MSI2: variants seen among roughly 807,000 people sequenced by gnomAD.
MSI2 encodes the protein RNA-binding protein Musashi homolog 2.
Under a neutral mutation model 45.6 loss-of-function variants are expected in MSI2, and 17 were observed. The ratio of observed to expected loss-of-function variants is 0.37; its 90% CI spans 0.26 to 0.56. MSI2 has a LOEUF of 0.56. MSI2 is among the 20% of genes least tolerant of loss of function. MSI2 has a pLI of 0.77. For missense variants in MSI2, 293 were observed against 444.2 expected (o/e 0.66, Z 3.06); for synonymous variants, 156 against 158.2 (o/e 0.99, Z 0.11).
Position 57,529,601 on chromosome 17 carries a change from C to A in MSI2, c.406-75C>A. 8.0e-6 allele frequency: 11 copies of A among 1,379,944 alleles called. No individual in the cohort carries two copies. Among genetic ancestry groups the A allele is most frequent in the South Asian group, 6.0e-5 (5 of 83,926 alleles). 85.5% of individuals were successfully genotyped at this position (1,379,944 alleles called of 1,614,324 possible). On this transcript the variant is annotated intron_variant, in intron 6 of 13. Coordinates refer to ENST00000284073, the MANE Select transcript of MSI2 (RefSeq NM_138962.4). This position sits in a 1 kb window ranked among gnomAD's most constrained non-coding sequence, Gnocchi z 5.3. ...TGTAATGGAAACTACCCCCTCACCC[C>A]CCGACATGCATATAATGTTTTGTGT...
chr17:57,502,602 G>GATAT (rs57142800), intron 6 of MSI2, among the ~76,000 whole-genome samples: 3,207 of 54,224 alleles, frequency 0.059, 243 homozygotes, highest in South Asian at 0.11. Flanking sequence ...ATGACTCTGA[G>GATAT]ATATATATAT....
chr17:57,265,539 A>G (rs1226890392), intron 5 of MSI2: 1 of 152,204 alleles, frequency 6.6e-6, no homozygotes, highest in Admixed American at 6.5e-5. Context: ...ATCTGTTTAG[A>G]CCAGAATTTT....
the MSI2 span, among the ~76,000 whole-genome samples, chr17:57,697,839 T>C: frequency 6.6e-6 from 1 of 152,096 alleles, no homozygotes; most frequent in East Asian, 1.9e-4. Flanking sequence ...ACTGGGTCCC[T>C]CCAACAACAC....
chr17:57,467,381 A>G (rs1194712573), intron 6 of MSI2, among the ~76,000 whole-genome samples: 1 of 152,222 alleles, frequency 6.6e-6, no homozygotes, highest in Non-Finnish European at 1.5e-5. Flanking sequence ...GAAAAGAGGA[A>G]GGACAGATGC....
chr17:57,453,483 G>A (rs555476789), intron 6 of MSI2, among the ~76,000 whole-genome samples: 6 of 152,266 alleles, frequency 3.9e-5, no homozygotes, highest in Middle Eastern at 6.8e-3. Context: ...CTTCCTATGT[G>A]GTGAGAAGTC....
At chr17:57,311,612 T>C (rs1003105325) in intron 5 of MSI2, among the ~76,000 whole-genome samples, 6 of 152,150 alleles carry the variant, frequency 3.9e-5, no homozygotes, top group Non-Finnish European at 8.8e-5. Context: ...GTGCAGTATA[T>C]ACACATTGCT....
chr17:57,413,912 A>T (rs954702353), intron 6 of MSI2, among the ~76,000 whole-genome samples: 14 of 151,878 alleles, frequency 9.2e-5, no homozygotes, highest in African/African-American at 3.2e-4. Flanking sequence ...CGCATCATTC[A>T]TTTGTTCATT....
chr17:57,443,068 C>T (rs773664475), intron 6 of MSI2, among the ~76,000 whole-genome samples: 1 of 152,250 alleles, frequency 6.6e-6, no homozygotes, highest in East Asian at 1.9e-4. Context: ...CCGTTTGCGG[C>T]CTGTCTGCCT....
At chr17:57,318,652 G>A (rs1309278263) in intron 5 of MSI2, among the ~76,000 whole-genome samples, 1 of 152,062 alleles carries the variant, frequency 6.6e-6, no homozygotes, top group African/African-American at 2.4e-5. Flanking sequence ...TGTGGGGGGT[G>A]GGGGCGGAGG....
chr17:57,523,639 C>G (rs1051751020), intron 6 of MSI2: 7 of 152,366 alleles, frequency 4.6e-5, no homozygotes, highest in African/African-American at 1.7e-4. Flanking sequence ...TCTAGGATCT[C>G]TGTCTCCAAC....
chr17:57,574,835 T>C (rs953159658), intron 7 of MSI2, among the ~76,000 whole-genome samples: 1 of 148,510 alleles, frequency 6.7e-6, no homozygotes, highest in Non-Finnish European at 1.5e-5. Context: ...TCTCTTTTTT[T>C]TTTTTTTTTT....
At chr17:57,419,498 G>A (rs540979099) in intron 6 of MSI2, among the ~76,000 whole-genome samples, 5 of 151,304 alleles carry the variant, frequency 3.3e-5, no homozygotes, top group South Asian at 4.2e-4. Flanking sequence ...GAGTAGCTGG[G>A]ATTACAGGTG....
intron 6 of MSI2, among the ~76,000 whole-genome samples, chr17:57,490,554 AG>A (rs1395616682): frequency 6.6e-6 from 1 of 152,204 alleles, no homozygotes; most frequent in Non-Finnish European, 1.5e-5. Flanking sequence ...CCTTTATAAG[AG>A]GTCATGTAAA....
chr17:57,288,873 G>A (rs1417177788), intron 5 of MSI2, among the ~76,000 whole-genome samples: 2 of 152,122 alleles, frequency 1.3e-5, no homozygotes, highest in African/African-American at 4.8e-5. Context: ...TGTATCTGTA[G>A]TAGGATGTTT....
chr17:57,414,992 CCTT>C (rs1293505057), intron 6 of MSI2, among the ~76,000 whole-genome samples: 2 of 152,132 alleles, frequency 1.3e-5, no homozygotes, highest in East Asian at 3.8e-4. Context: ...CATCTTCTCT[CCTT>C]CTCTTCTTTC....
intron 5 of MSI2, among the ~76,000 whole-genome samples, chr17:57,389,179 A>T (rs535183063): frequency 2.0e-5 from 3 of 151,772 alleles, no homozygotes; most frequent in Non-Finnish European, 4.4e-5. Context: ...GGGTTTCACC[A>T]TATTGGCCAG....
At chr17:57,428,145 T>G (rs2084529091) in intron 6 of MSI2, among the ~76,000 whole-genome samples, 1 of 152,214 alleles carries the variant, frequency 6.6e-6, no homozygotes. Flanking sequence ...ATTATAATGA[T>G]CTAAAGAGCT....
At chr17:57,428,204 G>A (rs1170293657) in intron 6 of MSI2, among the ~76,000 whole-genome samples, 3 of 152,050 alleles carry the variant, frequency 2.0e-5, no homozygotes, top group Non-Finnish European at 1.5e-5. Context: ...TAGATGGTAG[G>A]ACTGTGGTAA....
the MSI2 span, among the ~76,000 whole-genome samples, chr17:57,692,714 G>GGTTTTGTTTT: frequency 2.7e-4 from 41 of 151,112 alleles, no homozygotes; most frequent in African/African-American, 8.0e-4. Flanking sequence ...TGTGTTGACA[G>GGTTTTGTTTT]GTTTTGTTTT....
Sources: gnomAD v4.1 joint callset for allele counts (sites outside exome capture counted in the v4.1 genomes callset) on GRCh38, gnomAD v4.1.1 for gene constraint, Gnocchi (gnomAD v3.1) non-coding constraint, MANE v1.5 for transcripts, NCBI Gene and HGNC (gene_info 2026-07-23, HGNC 2026-07-21) for gene names.